ACSM2A: variants seen among roughly 807,000 people sequenced by gnomAD.
ACSM2A encodes the protein acyl-coenzyme A synthetase ACSM2A, mitochondrial.
In ACSM2A, 72 loss-of-function variants were observed where a neutral mutation model predicts 76.6. The observed-to-expected ratio is 0.94, with a 90% CI of 0.78 to 1.14. ACSM2A has a LOEUF of 1.14. Ranked by LOEUF, ACSM2A falls within the 50% of genes most tolerant of loss-of-function variation. ACSM2A has a pLI of 0.00. For synonymous variants in ACSM2A, 249 were observed against 255.9 expected, an observed-to-expected ratio of 0.97 and a Z score of 0.26; for missense variants, 684 against 708.5, an observed-to-expected ratio of 0.97 and a Z score of 0.39.
chr16:20,469,190 A>G (rs371195007), intron 3 of ACSM2A, among the ~76,000 whole-genome samples: 21 of 149,332 alleles, frequency 1.4e-4, no homozygotes, highest in Admixed American at 3.3e-4. Context: ...TGAATACAGC[A>G]AACTCCTGTA....
At chr16:20,483,568 T>TA (rs1365960981) in intron 13 of ACSM2A, among the ~76,000 whole-genome samples, 1 of 5,144 alleles carries the variant, frequency 1.9e-4, no homozygotes, top group Admixed American at 4.8e-3. Context: ...AGACTCTGTC[T>TA]CAAAAAAAAA....
chr16:20,471,462 C>T, intron 5 of ACSM2A, 74 bp from the exon 6 acceptor site: 4 of 1,541,384 alleles, frequency 2.6e-6, no homozygotes, highest in East Asian at 2.3e-5. Context: ...CCTTTCCTCC[C>T]CTACACCTTA....
intron 9 of ACSM2A, 117 bp downstream of exon 9, chr16:20,477,566 A>T: frequency 1.4e-6 from 2 of 1,449,120 alleles, no homozygotes; most frequent in Non-Finnish European, 1.8e-6. Context: ...TTAAGATAAC[A>T]TAAGAAAAAA....
Position 20,454,645 on chromosome 16 carries a change from A to G in ACSM2A, c.-9+2964A>G, listed in dbSNP as rs180698911. Among the ~76,000 whole-genome samples the G allele has an allele frequency of 2.2e-3, 333 of 152,092 alleles. 2 individuals carry two copies. The highest frequency in any genetic ancestry group is 6.5e-3 in the African/African-American group (271 of 41,494). ...CATCAGGGGAACATCCCATGGGAAA[A>G]AAGAATCTGAACAATAGCCTTGAGC... On this transcript the variant is annotated intron_variant, in intron 1 of 13. Coordinates refer to ENST00000573854, the MANE Select transcript of ACSM2A (RefSeq NM_001308172.2).
intron 13 of ACSM2A, among the ~76,000 whole-genome samples, chr16:20,485,862 G>A (rs2014356778): frequency 1.3e-5 from 2 of 152,200 alleles, no homozygotes; most frequent in African/African-American, 4.8e-5. Flanking sequence ...TGGCAACTGA[G>A]CCATATCACT....
chr16:20,459,729 A>T (rs1354213414), intron 1 of ACSM2A, among the ~76,000 whole-genome samples: 3 of 152,176 alleles, frequency 2.0e-5, no homozygotes, highest in Non-Finnish European at 4.4e-5. Context: ...ATGCACTGGG[A>T]AGTCACTTGA....
chr16:20,481,967 T>C (rs1229722096), intron 12 of ACSM2A: 1 of 112,932 alleles, frequency 8.9e-6, no homozygotes, highest in Non-Finnish European at 1.9e-5. Flanking sequence ...AAACCCCATC[T>C]CTACTAAAAA....
intron 2 of ACSM2A, among the ~76,000 whole-genome samples, chr16:20,461,893 T>C (rs573327952): frequency 2.6e-5 from 4 of 152,220 alleles, no homozygotes; most frequent in Middle Eastern, 3.4e-3. Flanking sequence ...GCTCAGAGAC[T>C]AGGGTTTTCA....
chr16:20,468,823 AC>A lies in ACSM2A; in HGVS notation c.389-688del, dbSNP rs535444054. Among the ~76,000 whole-genome samples, 636 of 152,366 alleles carry A rather than the reference AC, an allele frequency of 4.2e-3. 1 individual carries two copies. Among genetic ancestry groups the A allele is most frequent in the Non-Finnish European group, 7.7e-3 (522 of 68,028 alleles). ...TAAGATAAATTGTACAGCATGCTAA[AC>A]ACAGCTAATAATTCAGTACTGTAAA... is the stretch of plus-strand genomic sequence containing the variant. On this transcript the variant is annotated intron_variant, in intron 3 of 13. Transcript: ENST00000573854.
chr16:20,486,010 G>T (rs1050659948), intron 13 of ACSM2A, among the ~76,000 whole-genome samples: 25 of 152,168 alleles, frequency 1.6e-4, no homozygotes, highest in African/African-American at 6.0e-4. Context: ...TTTGCTTAGG[G>T]TACATTGATA....
Position 20,469,651 on chromosome 16 carries a change from T to C in ACSM2A, c.528T>C (p.Ser176=). 1.2e-6 allele frequency: 2 copies of C among 1,613,902 alleles called. No individual in the cohort carries two copies. Among genetic ancestry groups the C allele is most frequent in the African/African-American group, 2.7e-5 (2 of 75,032 alleles). The change falls in exon 4 of 14, where the codon TCT becomes TCC. Residue 176 remains serine (S), a synonymous_variant. Transcript: ENST00000573854. ...EVDTVASECP[S]LRIKLLVSEK... ...ACACAGTGGCATCTGAATGTCCTTC[T>C]CTGAGAATTAAGCTACTGGTGTCTG...
rs368968867 is a variant in ACSM2A, at chr16:20,467,978, AC to A, written c.389-1533del. ...CTCCAACCCACCTCATATTCTGGGG[AC>A]AATGGGCTGAGCATGAGAAAGCAAT... is the stretch of plus-strand genomic sequence containing the variant. On this transcript the variant is annotated intron_variant, in intron 3 of 13. Coordinates refer to ENST00000573854, the MANE Select transcript of ACSM2A (RefSeq NM_001308172.2). 9.3e-4 allele frequency among the ~76,000 whole-genome samples: 142 copies of A among 152,170 alleles called. 2 individuals are homozygous for A. In the South Asian group the frequency reaches 0.028, roughly 30 times the overall value.
chr16:20,478,488 T>C, intron 9 of ACSM2A, 88 bp from the exon 10 acceptor site: 2 of 1,489,382 alleles, frequency 1.3e-6, no homozygotes, highest in Non-Finnish European at 9.1e-7. Context: ...AAGAGGGTCT[T>C]TCATTTGACC....
At chr16:20,467,577 C>A (rs549151257) in intron 3 of ACSM2A, among the ~76,000 whole-genome samples, 9 of 152,136 alleles carry the variant, frequency 5.9e-5, no homozygotes, top group Non-Finnish European at 1.2e-4. Context: ...GAACTAATAA[C>A]AGGGTTATTC....
chr16:20,473,136 C>T (rs1308611322), intron 6 of ACSM2A, among the ~76,000 whole-genome samples: 2 of 152,078 alleles, frequency 1.3e-5, no homozygotes, highest in African/African-American at 4.8e-5. Context: ...CTCTAATGGC[C>T]CATCCAGACA....
At chr16:20,461,891 AC>A (rs1422327065) in intron 2 of ACSM2A, among the ~76,000 whole-genome samples, 1 of 152,106 alleles carries the variant, frequency 6.6e-6, no homozygotes, top group African/African-American at 2.4e-5. Flanking sequence ...AAGCTCAGAG[AC>A]TAGGGTTTTC....
intron 10 of ACSM2A, among the ~76,000 whole-genome samples, chr16:20,480,140 C>T (rs1381364097): frequency 6.6e-6 from 1 of 152,086 alleles, no homozygotes; most frequent in East Asian, 1.9e-4. Flanking sequence ...AGCCAGGGTC[C>T]CAGGGGGCTT....
At chr16:20,463,196 C>A (rs1260406788) in intron 2 of ACSM2A, among the ~76,000 whole-genome samples, 1 of 150,198 alleles carries the variant, frequency 6.7e-6, no homozygotes, top group Admixed American at 6.6e-5. Context: ...CAAACGTGCA[C>A]GTTGTGCACA....
intron 2 of ACSM2A, 27 bp from the exon 3 acceptor site, chr16:20,465,489 CT>C (rs2012930734): frequency 3.7e-6 from 6 of 1,612,156 alleles, no homozygotes; most frequent in Middle Eastern, 1.7e-4. Context: ...CCAATGCCCC[CT>C]GATCAACAGG....
Sources: allele counts gnomAD v4.1 joint callset (sites outside exome capture counted in the v4.1 genomes callset), GRCh38; gene constraint gnomAD v4.1.1; transcripts MANE v1.5; gene names NCBI Gene and HGNC (gene_info 2026-07-23, HGNC 2026-07-21).